APLP2: variants seen among roughly 807,000 people sequenced by gnomAD.
The protein encoded by APLP2 is amyloid beta precursor like protein 2.
APLP2 carries 53 observed loss-of-function variants against 89.9 expected under a neutral mutation model. The observed-to-expected ratio is 0.59, with a 90% CI of 0.47 to 0.74. The LOEUF (loss-of-function observed/expected upper bound fraction) is 0.74. APLP2 is among the 30% of genes least tolerant of loss of function. The pLI is 0.00. For missense variants in APLP2, 973 were observed against 975.9 expected, an observed-to-expected ratio of 1.00 and a Z score of 0.04; for synonymous variants, 372 against 348.6, an observed-to-expected ratio of 1.07 and a Z score of -0.75.
chr11:130,138,048 C>T (rs1246767598), intron 13 of APLP2, among the ~76,000 whole-genome samples: 1 of 152,178 alleles, frequency 6.6e-6, no homozygotes, highest in Admixed American at 6.5e-5. Flanking sequence ...GATTTGAACC[C>T]AGTTCTCTGT....
intron 1 of APLP2, among the ~76,000 whole-genome samples, chr11:130,104,628 T>A (rs962935173): frequency 6.6e-6 from 1 of 152,172 alleles, no homozygotes; most frequent in Non-Finnish European, 1.5e-5. Flanking sequence ...TACCTATGAA[T>A]AGGTGTGTGT....
At chr11:130,088,179 T>C (rs577688142) in intron 1 of APLP2, among the ~76,000 whole-genome samples, 11 of 152,288 alleles carry the variant, frequency 7.2e-5, no homozygotes, top group Admixed American at 2.0e-4. Context: ...CTCAGCATAA[T>C]TGGTTAAACT....
intron 1 of APLP2, among the ~76,000 whole-genome samples, chr11:130,079,083 T>TTTTATTTA (rs536291649): frequency 7.7e-6 from 1 of 130,682 alleles, no homozygotes; most frequent in East Asian, 2.5e-4. Flanking sequence ...CATGTATTTT[T>TTTTATTTA]TTTATTTATT....
chr11:130,129,331 A>T, intron 10 of APLP2, 125 bp downstream of exon 10: 1 of 1,158,642 alleles, frequency 8.6e-7, no homozygotes. Context: ...CTAAGGAAAG[A>T]TGATGAGGGA....
chr11:130,141,370 G>A lies in APLP2; in HGVS notation c.1924-128G>A. 1.4e-6 allele frequency: 1 copy of A among 730,424 alleles called. No homozygotes were observed. The highest frequency in any genetic ancestry group is 2.4e-6 in the Non-Finnish European group (1 of 419,238). The allele number at this position is 730,424 out of a possible 1,614,324, so 45.2% of individuals were successfully genotyped here. A position where few individuals can be genotyped will look rare whatever the true frequency, so the allele number is the denominator to read the frequency against. On this transcript the variant is annotated intron_variant, in intron 14 of 16. Coordinates refer to ENST00000338167, the MANE Select transcript of APLP2 (RefSeq NM_001142276.2). This position sits in a 1 kb window ranked among gnomAD's most constrained non-coding sequence, Gnocchi z 4.2. The stretch of plus-strand genomic sequence containing the variant: ...TGGAAGGCTGTGACAGAACTGGTTG[G>A]TTAATGGGGGTCCCACAGGTACCTG...
At chr11:130,091,149 T>G in intron 1 of APLP2, among the ~76,000 whole-genome samples, 1 of 87,368 alleles carries the variant, frequency 1.1e-5, no homozygotes, top group South Asian at 4.2e-4. Flanking sequence ...GGCTCCTCAC[T>G]TCCCAGTAGG....
intron 1 of APLP2, chr11:130,100,374 C>T (rs1467160706): frequency 6.6e-6 from 1 of 151,122 alleles, no homozygotes; most frequent in Non-Finnish European, 1.5e-5. Flanking sequence ...AATGGGCAAT[C>T]AGAAAAAAAA....
intron 1 of APLP2, 179 bp from the exon 2 acceptor site, chr11:130,109,250 A>G (rs1470838020): frequency 5.2e-5 from 24 of 460,428 alleles, no homozygotes; most frequent in Non-Finnish European, 8.0e-5. Context: ...TTGATCATAC[A>G]CATCCAGAAG....
At chr11:130,128,446 T>C (rs1950603637) in intron 9 of APLP2, among the ~76,000 whole-genome samples, 1 of 152,242 alleles carries the variant, frequency 6.6e-6, no homozygotes, top group Admixed American at 6.5e-5. Flanking sequence ...GGCTTTTTTA[T>C]TGATCACTTA....
At chr11:130,133,488 C>G (rs1233280945) in intron 11 of APLP2, 141 bp from the exon 12 acceptor site, 2 of 627,816 alleles carry the variant, frequency 3.2e-6, no homozygotes, top group Non-Finnish European at 5.8e-6. Context: ...TTCCCCTGAC[C>G]AGTTGCTTTG....
chr11:130,136,155 G>C (rs542912076), intron 13 of APLP2, among the ~76,000 whole-genome samples: 2 of 152,212 alleles, frequency 1.3e-5, no homozygotes, highest in South Asian at 4.2e-4. Flanking sequence ...TGTTCCTCTG[G>C]GTCCTAGGCA....
At chr11:130,070,707 G>T (rs1313426119) in intron 1 of APLP2, 2 of 1,477,296 alleles carry the variant, frequency 1.4e-6, no homozygotes, top group Non-Finnish European at 1.8e-6. Context: ...TTTAAGTGGC[G>T]CTGTTTGCCT....
chr11:130,137,987 T>G (rs1376359716), intron 13 of APLP2, among the ~76,000 whole-genome samples: 1 of 152,204 alleles, frequency 6.6e-6, no homozygotes, highest in Non-Finnish European at 1.5e-5. Flanking sequence ...ATTAGACAAT[T>G]GAAGAAGTTT....
chr11:130,092,220 C>T (rs1199878374), intron 1 of APLP2, among the ~76,000 whole-genome samples: 3,099 of 138,592 alleles, frequency 0.022, 182 homozygotes, highest in African/African-American at 0.085. Context: ...TGGGCGGAGA[C>T]GCTCCTCACT....
chr11:130,095,193 G>C (rs1946035237), intron 1 of APLP2, among the ~76,000 whole-genome samples: 1 of 152,080 alleles, frequency 6.6e-6, no homozygotes, highest in Non-Finnish European at 1.5e-5. Context: ...ACACCAGTAA[G>C]ATTCTGTCTC....
intron 1 of APLP2, among the ~76,000 whole-genome samples, chr11:130,104,499 T>C (rs1947385677): frequency 6.6e-6 from 1 of 152,100 alleles, no homozygotes; most frequent in Non-Finnish European, 1.5e-5. Flanking sequence ...ATTACAGGTG[T>C]GAGCCACCGT....
chr11:130,138,581 G>GT (rs34805457), intron 13 of APLP2, among the ~76,000 whole-genome samples: 5,438 of 91,334 alleles, frequency 0.06, 220 homozygotes, highest in African/African-American at 0.12. Context: ...CTGGTGGTAG[G>GT]TTTTTTTTTT....
intron 3 of APLP2, among the ~76,000 whole-genome samples, chr11:130,117,928 T>TA (rs1949385062): frequency 6.6e-6 from 1 of 151,984 alleles, no homozygotes; most frequent in African/African-American, 2.4e-5. Context: ...TACAAAAAAA[T>TA]TAGACGGGCG....
intron 1 of APLP2, among the ~76,000 whole-genome samples, chr11:130,088,488 TAAG>T (rs1409783790): frequency 1.3e-5 from 2 of 151,826 alleles, no homozygotes; most frequent in South Asian, 2.1e-4. Flanking sequence ...TGGAAGGAAA[TAAG>T]AAGGTTTGTA....
Sources: allele counts gnomAD v4.1 joint callset (sites outside exome capture counted in the v4.1 genomes callset), GRCh38; gene constraint gnomAD v4.1.1; non-coding constraint Gnocchi (gnomAD v3.1); transcripts MANE v1.5; gene names NCBI Gene and HGNC (gene_info 2026-07-23, HGNC 2026-07-21).